Variants in SLC49A4 observed in about 807,000 individuals in gnomAD.
SLC49A4 encodes the protein disrupted in renal cancer protein 2.
In SLC49A4, 36 loss-of-function variants were observed where a neutral mutation model predicts 50.6. The observed-to-expected ratio is 0.71, with a 90% CI of 0.55 to 0.94. The LOEUF (loss-of-function observed/expected upper bound fraction) is 0.94. Among genes scored for constraint, SLC49A4 ranks in the 40% least tolerant of loss-of-function variants. SLC49A4 has a pLI of 0.00. For synonymous variants in SLC49A4, 248 were observed against 241.2 expected (o/e 1.03, Z -0.26); for missense variants, 503 against 605.7 (o/e 0.83, Z 1.78).
intron 1 of SLC49A4, 87 bp from the exon 2 acceptor site, chr3:122,806,770 A>G: frequency 2.5e-6 from 2 of 799,134 alleles, no homozygotes; most frequent in Admixed American, 3.9e-5. Flanking sequence ...ATATAATGTC[A>G]GTATGATTGA....
At chr3:122,845,228 GT>G (rs1158400095) in intron 4 of SLC49A4, among the ~76,000 whole-genome samples, 2 of 152,248 alleles carry the variant, frequency 1.3e-5, no homozygotes, top group Non-Finnish European at 2.9e-5. Flanking sequence ...TTGCTTTTCT[GT>G]TCCTGTGTTA....
chr3:122,837,835 A>C (rs1936711808), intron 4 of SLC49A4, among the ~76,000 whole-genome samples: 1 of 152,180 alleles, frequency 6.6e-6, no homozygotes, highest in Non-Finnish European at 1.5e-5. Flanking sequence ...TAATATCCAG[A>C]ATCTACAATG....
chr3:122,855,483 C>T (rs191104438), intron 5 of SLC49A4, among the ~76,000 whole-genome samples: 1 of 152,262 alleles, frequency 6.6e-6, no homozygotes, highest in African/African-American at 2.4e-5. Context: ...ACTTTATTAT[C>T]CCCATTCCAC....
chr3:122,829,844 G>T (rs557742235), intron 3 of SLC49A4, among the ~76,000 whole-genome samples: 1 of 152,286 alleles, frequency 6.6e-6, no homozygotes, highest in Admixed American at 6.5e-5. Context: ...TGTGCTGGAG[G>T]TTCTAGGCAG....
At chr3:122,824,730 C>CTT (rs71621693) in intron 2 of SLC49A4, among the ~76,000 whole-genome samples, 8,487 of 82,924 alleles carry the variant, frequency 0.1, 599 homozygotes, top group East Asian at 0.34. Context: ...TTTTTTCCTT[C>CTT]TTTTTTTTTT....
intron 5 of SLC49A4, among the ~76,000 whole-genome samples, chr3:122,847,536 G>T (rs143824283): frequency 6.6e-6 from 1 of 151,532 alleles, no homozygotes; most frequent in Admixed American, 6.6e-5. Context: ...TAGTAGAGAC[G>T]GGGTTTCACC....
intron 4 of SLC49A4, among the ~76,000 whole-genome samples, chr3:122,839,927 G>A (rs1019190041): frequency 1.1e-4 from 16 of 152,072 alleles, no homozygotes; most frequent in African/African-American, 2.2e-4. Flanking sequence ...TGAAAAAGAC[G>A]TATGCACATG....
intron 5 of SLC49A4, among the ~76,000 whole-genome samples, 189 bp from the exon 6 acceptor site, chr3:122,856,118 G>A (rs1205779709): frequency 1.3e-5 from 2 of 152,186 alleles, no homozygotes; most frequent in East Asian, 1.9e-4. Flanking sequence ...TGATTATTTT[G>A]TTTTCAATAT....
intron 2 of SLC49A4, among the ~76,000 whole-genome samples, chr3:122,810,773 TAC>T (rs1936287520): frequency 6.6e-6 from 1 of 152,224 alleles, no homozygotes; most frequent in South Asian, 2.1e-4. Flanking sequence ...TCTAGAAATA[TAC>T]TCCATTGTGA....
At chr3:122,860,280 C>CT in intron 7 of SLC49A4, 78 bp downstream of exon 7, 1 of 1,313,892 alleles carries the variant, frequency 7.6e-7, no homozygotes, top group East Asian at 2.8e-5. Flanking sequence ...AGTAGGACTT[C>CT]TTCTTGCTTT....
intron 6 of SLC49A4, among the ~76,000 whole-genome samples, chr3:122,859,758 G>A (rs1461626700): frequency 1.3e-5 from 2 of 152,148 alleles, no homozygotes; most frequent in Non-Finnish European, 2.9e-5. Flanking sequence ...AGGTGAGGCT[G>A]CAGTGAGCCG....
intron 5 of SLC49A4, among the ~76,000 whole-genome samples, chr3:122,854,361 C>T (rs1936959895): frequency 6.6e-6 from 1 of 152,234 alleles, no homozygotes; most frequent in Non-Finnish European, 1.5e-5. Flanking sequence ...AGAAGTAGAC[C>T]TCCAAAATTC....
chr3:122,815,248 C>T (rs952617694), intron 2 of SLC49A4, among the ~76,000 whole-genome samples: 1 of 152,158 alleles, frequency 6.6e-6, no homozygotes, highest in Non-Finnish European at 1.5e-5. Context: ...TGCCACCATG[C>T]CCTGCTAATT....
At chr3:122,814,767 A>G (rs554679897) in intron 2 of SLC49A4, among the ~76,000 whole-genome samples, 1 of 150,864 alleles carries the variant, frequency 6.6e-6, no homozygotes, top group Non-Finnish European at 1.5e-5. Flanking sequence ...TTTGTGTGAC[A>G]TTTTTTTGTG....
At chr3:122,876,963 C>T (rs1937274989) in intron 8 of SLC49A4, among the ~76,000 whole-genome samples, 1 of 152,082 alleles carries the variant, frequency 6.6e-6, no homozygotes, top group African/African-American at 2.4e-5. Flanking sequence ...CCCCTGCCTT[C>T]AAGTGTGGAT....
intron 2 of SLC49A4, among the ~76,000 whole-genome samples, chr3:122,818,043 TACTG>T (rs990697417): frequency 6.6e-5 from 10 of 152,174 alleles, no homozygotes; most frequent in African/African-American, 9.6e-5. Flanking sequence ...CATTTTAACT[TACTG>T]ACCCTAAAAT....
chr3:122,873,421 C>T (rs1937220370), intron 8 of SLC49A4, among the ~76,000 whole-genome samples: 1 of 152,062 alleles, frequency 6.6e-6, no homozygotes, highest in Non-Finnish European at 1.5e-5. Context: ...CTCAAGTAAT[C>T]CACCCACCTC....
chr3:122,800,088 A>C (rs980648101), intron 1 of SLC49A4, among the ~76,000 whole-genome samples: 4 of 152,214 alleles, frequency 2.6e-5, no homozygotes, highest in East Asian at 3.8e-4. Context: ...AATGGTATTT[A>C]AAGTAATGGG....
At chr3:122,845,607 G>GTTTTTTTTTTTT (rs35604258) in intron 4 of SLC49A4, among the ~76,000 whole-genome samples, 156 bp from the exon 5 acceptor site, 3 of 97,440 alleles carry the variant, frequency 3.1e-5, no homozygotes, top group Non-Finnish European at 6.1e-5. Flanking sequence ...TTTCCAGCAC[G>GTTTTTTTTTTTT]TTTTTTTTTT....
Sources: allele counts gnomAD v4.1 joint callset (sites outside exome capture counted in the v4.1 genomes callset), GRCh38; gene constraint gnomAD v4.1.1; transcripts MANE v1.5; gene names NCBI Gene and HGNC (gene_info 2026-07-23, HGNC 2026-07-21).